GPR158: variants seen among roughly 807,000 people sequenced by gnomAD.
The protein encoded by GPR158 is metabotropic glycine receptor.
GPR158 carries 30 observed loss-of-function variants against 78.2 expected under a neutral mutation model. That is an observed-to-expected ratio of 0.38 (90% CI 0.29 to 0.52). The LOEUF (loss-of-function observed/expected upper bound fraction) is 0.52. Ranked by LOEUF, GPR158 falls within the 20% of genes least tolerant of loss-of-function variation. The pLI is 0.83. For missense variants in GPR158, 1,463 were observed against 1,523.5 expected (o/e 0.96, Z 0.66); for synonymous variants, 581 against 591.1 (o/e 0.98, Z 0.25).
intron 2 of GPR158, among the ~76,000 whole-genome samples, chr10:25,310,854 T>G (rs1266427102): frequency 6.6e-6 from 1 of 152,066 alleles, no homozygotes; most frequent in East Asian, 1.9e-4. Flanking sequence ...GAGTTGTATT[T>G]ATGTCTGGAT....
chr10:25,334,811 A>AT (rs57829970), intron 2 of GPR158, among the ~76,000 whole-genome samples: 24,481 of 151,516 alleles, frequency 0.16, 4,049 homozygotes, highest in African/African-American at 0.42. Context: ...ATGAAATGAG[A>AT]TTTTTGCTCA....
At chr10:25,338,898 ACAT>A (rs1437393940) in intron 2 of GPR158, among the ~76,000 whole-genome samples, 1 of 151,796 alleles carries the variant, frequency 6.6e-6, no homozygotes, top group African/African-American at 2.4e-5. Context: ...TAAGCCATCA[ACAT>A]TTATTTTGAT....
At chr10:25,209,939 G>C (rs1442624999) in intron 1 of GPR158, among the ~76,000 whole-genome samples, 1 of 152,196 alleles carries the variant, frequency 6.6e-6, no homozygotes, top group Non-Finnish European at 1.5e-5. Flanking sequence ...TTCTGGGCTT[G>C]AGCTAAATGA....
chr10:25,452,099 G>A (rs572339579), intron 4 of GPR158, among the ~76,000 whole-genome samples: 8 of 152,026 alleles, frequency 5.3e-5, no homozygotes, highest in Non-Finnish European at 1.0e-4. Context: ...GTGCAGTGGT[G>A]TGGACATAGC....
chr10:25,313,101 G>A (rs1854790816), intron 2 of GPR158, among the ~76,000 whole-genome samples: 1 of 151,826 alleles, frequency 6.6e-6, no homozygotes, highest in African/African-American at 2.4e-5. Flanking sequence ...GTTGCCTCCA[G>A]TACATTCTTA....
rs374260154 is a variant in GPR158, at chr10:25,448,205, C to T, written c.1336-18446C>T. On this transcript the variant is annotated intron_variant, in intron 4 of 10. Coordinates refer to ENST00000376351, the MANE Select transcript of GPR158 (RefSeq NM_020752.3). ...GTTCACGCCATTCTCCTGCCTCAGC[C>T]TCCTGAGTAGCTGGGACTACAGGTG... Among the ~76,000 whole-genome samples, 136 of 151,682 alleles carry T rather than the reference C, an allele frequency of 9.0e-4. 3 individuals carry two copies. The South Asian group carries it at 0.028, about 31-fold the overall frequency.
intron 4 of GPR158, among the ~76,000 whole-genome samples, chr10:25,450,343 T>G (rs1835197986): frequency 6.6e-6 from 1 of 150,714 alleles, no homozygotes; most frequent in South Asian, 2.1e-4. Flanking sequence ...ATGCTCTCCA[T>G]CTTCAGGGAT....
chr10:25,479,702 A>C (rs1386437177), intron 5 of GPR158, among the ~76,000 whole-genome samples: 5 of 152,138 alleles, frequency 3.3e-5, no homozygotes, highest in Non-Finnish European at 7.4e-5. Context: ...GGTATGAGCC[A>C]CCACGCCCGG....
At chr10:25,487,860 G>T (rs1343439241) in intron 5 of GPR158, among the ~76,000 whole-genome samples, 1 of 152,024 alleles carries the variant, frequency 6.6e-6, no homozygotes, top group Non-Finnish European at 1.5e-5. Context: ...TAAGGAAGCT[G>T]TATACTCCAT....
At chr10:25,222,316 G>A (rs1322296865) in intron 2 of GPR158, among the ~76,000 whole-genome samples, 2 of 91,696 alleles carry the variant, frequency 2.2e-5, no homozygotes, top group African/African-American at 8.5e-5. Flanking sequence ...CAATCCTCTT[G>A]CCCCCAACCT....
At chr10:25,373,545 A>G (rs917419219) in intron 2 of GPR158, among the ~76,000 whole-genome samples, 1 of 151,906 alleles carries the variant, frequency 6.6e-6, no homozygotes, top group African/African-American at 2.4e-5. Context: ...CTTCCTTTGT[A>G]GTATATGAAT....
chr10:25,271,234 G>C (rs147888873), intron 2 of GPR158, among the ~76,000 whole-genome samples: 2 of 152,214 alleles, frequency 1.3e-5, no homozygotes, highest in Non-Finnish European at 2.9e-5. Flanking sequence ...TGTTATCCCT[G>C]TTACTTGCTT....
At chr10:25,258,546 T>C (rs1413091666) in intron 2 of GPR158, among the ~76,000 whole-genome samples, 1 of 152,184 alleles carries the variant, frequency 6.6e-6, no homozygotes, top group Non-Finnish European at 1.5e-5. Context: ...ATTTCTTCTA[T>C]GAGTTTTAAA....
chr10:25,328,616 T>A (rs149282772), intron 2 of GPR158, among the ~76,000 whole-genome samples: 1 of 152,230 alleles, frequency 6.6e-6, no homozygotes, highest in East Asian at 1.9e-4. Context: ...TTATAAATAT[T>A]TATTTTTGTC....
intron 5 of GPR158, among the ~76,000 whole-genome samples, chr10:25,524,022 TC>T (rs1836318956): frequency 6.6e-6 from 1 of 152,140 alleles, no homozygotes; most frequent in Non-Finnish European, 1.5e-5. Flanking sequence ...AATTTAATTT[TC>T]TTATACCAGC....
intron 5 of GPR158, among the ~76,000 whole-genome samples, chr10:25,520,128 C>T (rs10141645): frequency 0.06 from 1,118 of 18,758 alleles, 70 homozygotes; most frequent in African/African-American, 0.13. Context: ...TTCATTTCAT[C>T]TTCCATTGCT....
intron 1 of GPR158, among the ~76,000 whole-genome samples, chr10:25,207,659 C>T (rs189325841): frequency 4.7e-4 from 71 of 152,214 alleles, no homozygotes; most frequent in Admixed American, 1.6e-3. Flanking sequence ...TCCTGCTGTG[C>T]GGCCTGGTTC....
At chr10:25,306,983 TCACACACA>T (rs142323718) in intron 2 of GPR158, among the ~76,000 whole-genome samples, 5 of 140,238 alleles carry the variant, frequency 3.6e-5, no homozygotes, top group Non-Finnish European at 8.0e-5. Flanking sequence ...GGGGAGAGAG[TCACACACA>T]CACACACATA....
At chr10:25,328,653 G>T (rs748519473) in intron 2 of GPR158, among the ~76,000 whole-genome samples, 1 of 151,906 alleles carries the variant, frequency 6.6e-6, no homozygotes, top group Non-Finnish European at 1.5e-5. Context: ...TTGGCCGGGC[G>T]TGGTACCTCA....
Sources: gnomAD v4.1 joint callset for allele counts (sites outside exome capture counted in the v4.1 genomes callset) on GRCh38, gnomAD v4.1.1 for gene constraint, MANE v1.5 for transcripts, NCBI Gene and HGNC (gene_info 2026-07-23, HGNC 2026-07-21) for gene names.